The following NELL1 variants were observed in gnomAD, a reference collection of about 807,000 sequenced individuals.
NELL1 encodes neural EGFL like 1.
Under a neutral mutation model 107.4 loss-of-function variants are expected in NELL1, and 76 were observed. The observed-to-expected ratio is 0.71, with a 90% CI of 0.59 to 0.86. NELL1 has a LOEUF of 0.86. Among genes scored for constraint, NELL1 ranks in the 40% least tolerant of loss-of-function variants. The pLI, the probability that NELL1 is intolerant of heterozygous loss-of-function variation, is 0.00. For synonymous variants in NELL1, 353 were observed against 341.2 expected (o/e 1.03, Z -0.38); for missense variants, 1,024 against 1,005.5 (o/e 1.02, Z -0.25).
chr11:21,237,599 A>T (rs370345232), intron 14 of NELL1, among the ~76,000 whole-genome samples: 9 of 152,062 alleles, frequency 5.9e-5, no homozygotes, highest in African/African-American at 1.4e-4. Flanking sequence ...TTGAACAAAT[A>T]TTGATTGTGT....
chr11:21,049,942 G>GCAACTC (rs11282411), intron 12 of NELL1, among the ~76,000 whole-genome samples: 57,482 of 151,698 alleles, frequency 0.38, 13,604 homozygotes, highest in African/African-American at 0.66. Context: ...TTAATTTGTG[G>GCAACTC]CCTATTGCAG....
chr11:21,448,068 A>G (rs1853483719), intron 15 of NELL1, among the ~76,000 whole-genome samples: 2 of 152,176 alleles, frequency 1.3e-5, no homozygotes, highest in South Asian at 4.1e-4. Context: ...AGCCACTGCC[A>G]GGGAGTTGAT....
At chr11:21,220,866 C>A (rs762462083) in intron 13 of NELL1, among the ~76,000 whole-genome samples, 4 of 152,016 alleles carry the variant, frequency 2.6e-5, no homozygotes, top group Non-Finnish European at 5.9e-5. Flanking sequence ...TTATTTATTT[C>A]CCTTGTCTAA....
chr11:20,798,307 C>G lies in NELL1; in HGVS notation c.335+14477C>G, dbSNP rs767509122. ...GACCTTAATTGAAGCCAAGAAGTAT[C>G]ATAGCAATAGAATATAATACTTTGG... On this transcript the variant is annotated intron_variant, in intron 3 of 19. Coordinates refer to ENST00000357134, the MANE Select transcript of NELL1 (RefSeq NM_006157.5). 7.0e-4 allele frequency among the ~76,000 whole-genome samples: 106 copies of G among 152,296 alleles called. 1 individual carries two copies. Among genetic ancestry groups the G allele is most frequent in the Non-Finnish European group, 2.2e-4 (15 of 68,018 alleles).
intron 15 of NELL1, among the ~76,000 whole-genome samples, chr11:21,488,829 A>G (rs1854715201): frequency 6.6e-6 from 1 of 152,134 alleles, no homozygotes; most frequent in South Asian, 2.1e-4. Context: ...CCTACATCAA[A>G]AAAAAAGAAA....
intron 13 of NELL1, among the ~76,000 whole-genome samples, chr11:21,225,321 C>T (rs1454595171): frequency 6.6e-6 from 1 of 152,126 alleles, no homozygotes; most frequent in African/African-American, 2.4e-5. Context: ...CCAAATGCTC[C>T]CTATGCTGGG....
At chr11:20,918,923 G>C (rs1850317931) in intron 6 of NELL1, among the ~76,000 whole-genome samples, 1 of 151,858 alleles carries the variant, frequency 6.6e-6, no homozygotes, top group Non-Finnish European at 1.5e-5. Flanking sequence ...TCTTGACCTG[G>C]ATGAGAGTTT....
At chr11:20,818,787 A>G (rs1193127216) in intron 3 of NELL1, among the ~76,000 whole-genome samples, 1 of 152,192 alleles carries the variant, frequency 6.6e-6, no homozygotes, top group Non-Finnish European at 1.5e-5. Context: ...TATAAGATTA[A>G]ATACATTTGG....
In NELL1 at chr11:21,450,911, C is replaced by T. The variant is rs573217740; in HGVS notation, c.1645+79963C>T. ...TTTTAGAAAGAAATGGAGGGGCAGG[C>T]CGGGTGCGGTGGCTCACGCCTGTAA... is the stretch of plus-strand genomic sequence containing the variant. On this transcript the variant is annotated intron_variant, in intron 15 of 19. Transcript: ENST00000357134. 1.3e-3 allele frequency among the ~76,000 whole-genome samples: 195 copies of T among 151,928 alleles called. 2 individuals are homozygous for T. Among genetic ancestry groups the T allele is most frequent in the African/African-American group, 4.6e-3 (191 of 41,450 alleles).
intron 14 of NELL1, among the ~76,000 whole-genome samples, chr11:21,235,483 C>T (rs1019933316): frequency 6.6e-6 from 1 of 152,040 alleles, no homozygotes; most frequent in Non-Finnish European, 1.5e-5. Context: ...ATAATTAGAG[C>T]CAGTTAAAAT....
intron 3 of NELL1, among the ~76,000 whole-genome samples, chr11:20,819,077 T>C (rs891240545): frequency 3.9e-5 from 6 of 152,166 alleles, no homozygotes; most frequent in Non-Finnish European, 8.8e-5. Context: ...TCTTAAACAG[T>C]ATATTTTACT....
intron 12 of NELL1, among the ~76,000 whole-genome samples, chr11:20,996,322 G>A (rs566643294): frequency 2.3e-4 from 35 of 152,294 alleles, no homozygotes; most frequent in African/African-American, 8.4e-4. Context: ...TGGAGTGACT[G>A]ATGTAATTCC....
At chr11:21,369,715 T>G (rs1355118911) in intron 14 of NELL1, among the ~76,000 whole-genome samples, 1 of 152,108 alleles carries the variant, frequency 6.6e-6, no homozygotes, top group African/African-American at 2.4e-5. Flanking sequence ...TTTGCTCACC[T>G]ATCTTTCTTG....
intron 12 of NELL1, among the ~76,000 whole-genome samples, chr11:20,972,132 G>A (rs1037334240): frequency 5.9e-5 from 9 of 151,958 alleles, no homozygotes; most frequent in Non-Finnish European, 1.2e-4. Flanking sequence ...AACCACCATG[G>A]CATATGTATA....
At chr11:21,000,394 C>G (rs928757333) in intron 12 of NELL1, among the ~76,000 whole-genome samples, 1 of 152,120 alleles carries the variant, frequency 6.6e-6, no homozygotes, top group African/African-American at 2.4e-5. Context: ...ATAATCTTTT[C>G]GGAACCCAGA....
intron 15 of NELL1, among the ~76,000 whole-genome samples, chr11:21,390,929 T>C (rs1851861222): frequency 6.6e-6 from 1 of 151,816 alleles, no homozygotes; most frequent in South Asian, 2.1e-4. Flanking sequence ...AGGTTTTTTT[T>C]CAACATCATC....
intron 11 of NELL1, among the ~76,000 whole-genome samples, chr11:20,950,652 C>G (rs1192698827): frequency 6.6e-6 from 1 of 152,092 alleles, no homozygotes; most frequent in Admixed American, 6.5e-5. Context: ...AATGAAAAGT[C>G]GAGAAACACT....
intron 15 of NELL1, among the ~76,000 whole-genome samples, chr11:21,506,867 G>A (rs1855294125): frequency 6.6e-6 from 1 of 152,116 alleles, no homozygotes; most frequent in Non-Finnish European, 1.5e-5. Flanking sequence ...CTCCTAGAAG[G>A]GACCTAGGAG....
At chr11:21,400,547 C>T (rs1020178762) in intron 15 of NELL1, among the ~76,000 whole-genome samples, 1 of 151,790 alleles carries the variant, frequency 6.6e-6, no homozygotes, top group Admixed American at 6.6e-5. Flanking sequence ...TGTATATTCA[C>T]GTTCTCCTAC....
Sources: allele counts gnomAD v4.1 joint callset (sites outside exome capture counted in the v4.1 genomes callset), GRCh38; gene constraint gnomAD v4.1.1; transcripts MANE v1.5; gene names NCBI Gene and HGNC (gene_info 2026-07-23, HGNC 2026-07-21).